WDR70: variants seen among roughly 807,000 people sequenced by gnomAD.
WDR70 encodes WD repeat-containing protein 70.
A neutral mutation model predicts 88.6 loss-of-function variants in WDR70; 53 were observed. The observed-to-expected ratio is 0.60, with a 90% CI of 0.48 to 0.75. WDR70 has a LOEUF of 0.75. Ranked by LOEUF, WDR70 falls within the 30% of genes least tolerant of loss-of-function variation. The probability of loss-of-function intolerance (pLI) is 0.00; values close to 1 mark genes in which losing one functional copy is unlikely to be tolerated. For synonymous variants in WDR70, 280 were observed against 270.0 expected, an observed-to-expected ratio of 1.04 and a Z score of -0.36; for missense variants, 610 against 823.2, an observed-to-expected ratio of 0.74 and a Z score of 3.17.
intron 10 of WDR70, among the ~76,000 whole-genome samples, chr5:37,609,484 A>G (rs1476768927): frequency 6.6e-6 from 1 of 152,220 alleles, no homozygotes; most frequent in Non-Finnish European, 1.5e-5. Flanking sequence ...TTATCTTGCA[A>G]TTACTGTTTG....
rs1748857347 is a variant in WDR70 at position 37,752,997 on chromosome 5, T to A, written c.*424T>A. ...ATTTCACAACAGTTGTTTACATGAC[T>A]GTAATTAATTAGGCTGAGTTCAAAC... On this transcript the variant is annotated 3_prime_UTR_variant, in exon 18 of 18. Coordinates refer to ENST00000265107, the MANE Select transcript of WDR70 (RefSeq NM_018034.4). The A allele has an allele frequency of 6.3e-6, 1 of 158,410 alleles. No homozygotes were observed. Among genetic ancestry groups the A allele is most frequent in the South Asian group, 1.9e-4 (1 of 5,216 alleles). 9.8% of individuals were successfully genotyped at this position (158,410 alleles called of 1,614,324 possible).
intron 3 of WDR70, among the ~76,000 whole-genome samples, chr5:37,385,904 C>T (rs1409774508): frequency 6.6e-6 from 1 of 152,042 alleles, no homozygotes; most frequent in African/African-American, 2.4e-5. Flanking sequence ...CCCGGGTTCA[C>T]GCCATTCTCC....
intron 7 of WDR70, among the ~76,000 whole-genome samples, chr5:37,472,590 G>C (rs1446015286): frequency 1.3e-5 from 2 of 152,016 alleles, no homozygotes; most frequent in Non-Finnish European, 2.9e-5. Context: ...TGCCTCCCGG[G>C]TTCAAGAAAT....
chr5:37,478,466 G>T (rs999121833), intron 7 of WDR70, among the ~76,000 whole-genome samples: 1 of 152,184 alleles, frequency 6.6e-6, no homozygotes, highest in Non-Finnish European at 1.5e-5. Context: ...ACTCTCCCAG[G>T]TCAGGTTTCC....
At chr5:37,560,596 T>G (rs1742472048) in intron 9 of WDR70, among the ~76,000 whole-genome samples, 1 of 152,190 alleles carries the variant, frequency 6.6e-6, no homozygotes, top group Non-Finnish European at 1.5e-5. Flanking sequence ...CTACCATAAT[T>G]TCTTCAAGTT....
intron 9 of WDR70, among the ~76,000 whole-genome samples, chr5:37,577,555 T>C (rs963076467): frequency 1.3e-5 from 2 of 152,148 alleles, no homozygotes; most frequent in African/African-American, 4.8e-5. Flanking sequence ...GGGAAGACTT[T>C]CCCAGGGAGA....
chr5:37,487,752 A>T (rs897994994), intron 8 of WDR70, among the ~76,000 whole-genome samples: 1 of 151,032 alleles, frequency 6.6e-6, no homozygotes, highest in East Asian at 1.9e-4. Flanking sequence ...CAGCCTCCCG[A>T]GTAGCTGGGA....
intron 3 of WDR70, among the ~76,000 whole-genome samples, chr5:37,389,186 G>A (rs1441689862): frequency 1.3e-5 from 2 of 150,280 alleles, no homozygotes; most frequent in African/African-American, 4.9e-5. Context: ...TCCGCCTTCC[G>A]GGTTCAAGCG....
intron 7 of WDR70, among the ~76,000 whole-genome samples, chr5:37,471,105 C>T (rs7704548): frequency 0.86 from 130,110 of 152,144 alleles, 59,242 homozygotes; most frequent in East Asian, 1. Flanking sequence ...TAGTCTCAAA[C>T]GCGTGAACTC....
At chr5:37,624,671 C>T (rs1015334586) in intron 10 of WDR70, among the ~76,000 whole-genome samples, 13 of 152,086 alleles carry the variant, frequency 8.5e-5, no homozygotes, top group African/African-American at 2.2e-4. Context: ...TATATGGGAG[C>T]CTTCGGAATG....
intron 5 of WDR70, among the ~76,000 whole-genome samples, chr5:37,417,557 G>A (rs1749799644): frequency 6.9e-6 from 1 of 144,758 alleles, no homozygotes; most frequent in South Asian, 2.4e-4. Context: ...TTTTTTTTAA[G>A]AGACAGCGTA....
chr5:37,726,139 C>A (rs1747963274), intron 16 of WDR70, among the ~76,000 whole-genome samples: 1 of 152,148 alleles, frequency 6.6e-6, no homozygotes, highest in Admixed American at 6.6e-5. Context: ...TGTTCAACCA[C>A]CTGAGCCTGA....
At chr5:37,469,506 A>G (rs1447962536) in intron 7 of WDR70, among the ~76,000 whole-genome samples, 3 of 152,200 alleles carry the variant, frequency 2.0e-5, no homozygotes, top group African/African-American at 4.8e-5. Flanking sequence ...ACTCTGATGG[A>G]ATTGAAGTCA....
chr5:37,512,086 A>G (rs1366920386), intron 8 of WDR70, among the ~76,000 whole-genome samples: 1 of 152,194 alleles, frequency 6.6e-6, no homozygotes, highest in Non-Finnish European at 1.5e-5. Context: ...TCTAGGCAAG[A>G]ATGCCCTTTC....
At position 37,520,294 on chromosome 5, in the gene WDR70, A is replaced by G. The variant is rs539649087; in HGVS notation, c.917+3704A>G. 3.9e-5 allele frequency among the ~76,000 whole-genome samples: 6 copies of G among 152,276 alleles called. No homozygotes were observed. The South Asian group carries it at 1.2e-3, about 32-fold the overall frequency. On this transcript the variant is annotated intron_variant, in intron 9 of 17. Coordinates refer to ENST00000265107, the MANE Select transcript of WDR70 (RefSeq NM_018034.4). Reference sequence around the variant, plus strand: ...TATGTTTTCTGAAATATATCTTTAGAAGACAAATGACATAATTTCACTTTC... The same window carrying G: ...TATGTTTTCTGAAATATATCTTTAGGAGACAAATGACATAATTTCACTTTC...
intron 10 of WDR70, among the ~76,000 whole-genome samples, chr5:37,677,071 G>A (rs1209423404): frequency 5.3e-5 from 8 of 152,084 alleles, no homozygotes; most frequent in Non-Finnish European, 1.0e-4. Context: ...CTGTGGGATC[G>A]GTGGTGATAT....
At chr5:37,442,470 A>G (rs1750686914) in intron 6 of WDR70, among the ~76,000 whole-genome samples, 1 of 150,814 alleles carries the variant, frequency 6.6e-6, no homozygotes, top group Non-Finnish European at 1.5e-5. Flanking sequence ...TTACAGGTGC[A>G]TGCCTCCACG....
intron 7 of WDR70, chr5:37,479,628 C>T (rs1739596877): frequency 2.1e-6 from 1 of 471,542 alleles, no homozygotes; most frequent in East Asian, 3.6e-5. Flanking sequence ...GCCTTGGCCT[C>T]CCAAAGTATT....
intron 9 of WDR70, among the ~76,000 whole-genome samples, chr5:37,534,807 C>G (rs926054505): frequency 1.3e-5 from 2 of 152,098 alleles, no homozygotes; most frequent in Non-Finnish European, 2.9e-5. Context: ...AGCCATAGTT[C>G]TGTGTGAGGA....
Sources: allele counts gnomAD v4.1 joint callset (sites outside exome capture counted in the v4.1 genomes callset), GRCh38; gene constraint gnomAD v4.1.1; transcripts MANE v1.5; gene names NCBI Gene and HGNC (gene_info 2026-07-23, HGNC 2026-07-21).